PCDH15: variants seen among roughly 807,000 people sequenced by gnomAD.
The protein encoded by PCDH15 is protocadherin-15.
PCDH15 carries 129 observed loss-of-function variants against 178.5 expected under a neutral mutation model. The ratio of observed to expected loss-of-function variants is 0.72; its 90% confidence interval spans 0.63 to 0.84. PCDH15 has a LOEUF of 0.84. Ranked by LOEUF, PCDH15 falls within the 40% of genes least tolerant of loss-of-function variation. The pLI, the probability that PCDH15 is intolerant of heterozygous loss-of-function variation, is 0.00. For missense variants in PCDH15, 2,230 were observed against 2,099.9 expected, an observed-to-expected ratio of 1.06 and a Z score of -1.21; for synonymous variants, 800 against 732.0, an observed-to-expected ratio of 1.09 and a Z score of -1.50.
At chr10:54,064,185 A>G (rs1047650257) in intron 18 of PCDH15, among the ~76,000 whole-genome samples, 13 of 152,194 alleles carry the variant, frequency 8.5e-5, no homozygotes, top group Admixed American at 8.5e-4. Context: ...AGCTCTCAGC[A>G]GAGAGAAGAC....
At position 54,711,005 on chromosome 10, in the gene PCDH15, G is replaced by C. The variant is rs146080857; in HGVS notation, c.-28-46715C>G. On this transcript the variant is annotated intron_variant, in intron 1 of 37. Transcript: ENST00000644397. ...TATATATGATCACCTGTATATAAGG[G>C]ACTACAATTTCAGTACTTGACAGCA... is the stretch of plus-strand genomic sequence containing the variant. Among the ~76,000 whole-genome samples, 3 of 151,942 alleles carry C rather than the reference G, an allele frequency of 2.0e-5. No homozygotes were observed. The East Asian group carries it at 5.8e-4, about 29-fold the overall frequency.
At chr10:54,054,823 TTTTC>T (rs1167576960) in intron 18 of PCDH15, among the ~76,000 whole-genome samples, 1 of 151,994 alleles carries the variant, frequency 6.6e-6, no homozygotes, top group African/African-American at 2.4e-5. Flanking sequence ...GTGTGGGCTT[TTTTC>T]TTTATCAGAA....
chr10:54,410,585 T>C (rs911989577), intron 3 of PCDH15, among the ~76,000 whole-genome samples: 7 of 152,124 alleles, frequency 4.6e-5, no homozygotes, highest in African/African-American at 1.7e-4. Context: ...AAAGAAACAC[T>C]CTTCTTTTGG....
intron 2 of PCDH15, among the ~76,000 whole-genome samples, chr10:55,443,473 G>T (rs190673132): frequency 3.3e-5 from 5 of 152,194 alleles, no homozygotes; most frequent in African/African-American, 1.2e-4. Context: ...GTGGGCAAAG[G>T]TTATGAACAG....
At chr10:54,512,135 G>A (rs12220723) in intron 3 of PCDH15, among the ~76,000 whole-genome samples, 14,421 of 151,746 alleles carry the variant, frequency 0.095, 1,016 homozygotes, top group East Asian at 0.35. Context: ...CTTGACCTCC[G>A]GATATCTTTC....
At chr10:54,133,469 C>T (rs1050917051) in intron 14 of PCDH15, among the ~76,000 whole-genome samples, 1 of 152,120 alleles carries the variant, frequency 6.6e-6, no homozygotes, top group Non-Finnish European at 1.5e-5. Context: ...CTGTTGCTGA[C>T]ATCAATGGCT....
Position 55,599,955 on chromosome 10 carries a change from C to G in PCDH15, c.-156+27670G>C. On this transcript the variant is annotated intron_variant, in intron 2 of 5. Coordinates refer to the PCDH15 transcript ENST00000613346. ...CTTTCAACCAGTGAAATTGACCTAC[C>G]TATGAAGAGGCGGGTATAAATAAAT... The G allele has an allele frequency of 9.2e-6, 14 of 1,514,644 alleles. 1 individual carries two copies. The highest frequency in any genetic ancestry group is 1.2e-5 in the Non-Finnish European group (14 of 1,135,268). The allele number at this position is 1,514,644 out of a possible 1,614,324, so 93.8% of individuals were successfully genotyped here. A position where few individuals can be genotyped will look rare whatever the true frequency, so the allele number is the denominator to read the frequency against.
chr10:55,421,499 A>T (rs1374867843), intron 2 of PCDH15, among the ~76,000 whole-genome samples: 4 of 149,860 alleles, frequency 2.7e-5, no homozygotes, highest in Non-Finnish European at 6.0e-5. Context: ...AGAGAAAATC[A>T]TTTCATATAG....
At chr10:55,114,722 A>C (rs1192533181) in intron 2 of PCDH15, among the ~76,000 whole-genome samples, 1 of 152,210 alleles carries the variant, frequency 6.6e-6, no homozygotes, top group African/African-American at 2.4e-5. Flanking sequence ...TAGGAAATGA[A>C]AGAGCTACAA....
intron 17 of PCDH15, among the ~76,000 whole-genome samples, chr10:54,071,034 G>T (rs969088573): frequency 3.3e-5 from 5 of 152,070 alleles, no homozygotes; most frequent in African/African-American, 1.2e-4. Flanking sequence ...TACATTAAGA[G>T]TATCTTATTT....
chr10:54,779,481 T>TATATGTGTGTATATATACACAC (rs1566222419), intron 1 of PCDH15, among the ~76,000 whole-genome samples: 57 of 74,270 alleles, frequency 7.7e-4, no homozygotes, highest in African/African-American at 2.8e-3. Flanking sequence ...TATACACACA[T>TATATGTGTGTATATATACACAC]ATATATGTAT....
chr10:54,253,286 G>A (rs752619272), intron 8 of PCDH15, among the ~76,000 whole-genome samples: 14 of 152,040 alleles, frequency 9.2e-5, no homozygotes, highest in African/African-American at 2.6e-4. Flanking sequence ...TAAAGTTACT[G>A]CATTTTCCTA....
chr10:54,792,980 C>G (rs990946908), intron 1 of PCDH15, among the ~76,000 whole-genome samples: 1 of 151,744 alleles, frequency 6.6e-6, no homozygotes, highest in African/African-American at 2.4e-5. Context: ...ACCTGGACCA[C>G]CAGGTGAGCT....
At chr10:55,535,908 AT>A in intron 2 of PCDH15, among the ~76,000 whole-genome samples, 1 of 152,222 alleles carries the variant, frequency 6.6e-6, no homozygotes, top group South Asian at 2.1e-4. Context: ...CTTATATATC[AT>A]TTACACCTTG....
At chr10:54,002,749 T>C (rs1397850124) in intron 20 of PCDH15, among the ~76,000 whole-genome samples, 2 of 152,274 alleles carry the variant, frequency 1.3e-5, no homozygotes, top group East Asian at 3.9e-4. Context: ...GACTCAGGGT[T>C]TTGAGTTCTT....
At chr10:53,941,369 A>G (rs1026441767) in intron 23 of PCDH15, among the ~76,000 whole-genome samples, 1 of 152,010 alleles carries the variant, frequency 6.6e-6, no homozygotes, top group Non-Finnish European at 1.5e-5. Context: ...TGATCTTTGT[A>G]GTGTCTCTAT....
intron 2 of PCDH15, among the ~76,000 whole-genome samples, chr10:55,478,504 T>C (rs1369201820): frequency 6.6e-6 from 1 of 151,288 alleles, no homozygotes; most frequent in East Asian, 1.9e-4. Flanking sequence ...TAAGCAGTTC[T>C]AAAAAAAGAA....
In PCDH15 at chr10:55,139,207, T is replaced by C. The variant is rs779185433; in HGVS notation, c.-80+27369A>G. 2.6e-5 allele frequency among the ~76,000 whole-genome samples: 4 copies of C among 152,090 alleles called. No individual in the cohort carries two copies. In the South Asian group the frequency reaches 6.2e-4, roughly 24 times the overall value. On this transcript the variant is annotated intron_variant, in intron 2 of 5. Transcript: ENST00000458638. ...AGTTTTTAGAGGTCTTTATATATTT[T>C]AGATAAAAATCATGTGTGAGATAGG...
intron 3 of PCDH15, among the ~76,000 whole-genome samples, chr10:54,521,139 C>A (rs1256000118): frequency 6.6e-6 from 1 of 151,606 alleles, no homozygotes; most frequent in Non-Finnish European, 1.5e-5. Context: ...GTGCAGTACA[C>A]CAACATGGCA....
Sources: gnomAD v4.1 joint callset for allele counts (sites outside exome capture counted in the v4.1 genomes callset) on GRCh38, gnomAD v4.1.1 for gene constraint, MANE v1.5 for transcripts, NCBI Gene and HGNC (gene_info 2026-07-23, HGNC 2026-07-21) for gene names.